Variants in RBFOX3 observed in about 807,000 individuals in gnomAD.
RBFOX3 encodes the protein RNA binding fox-1 homolog 3.
In RBFOX3, 17 loss-of-function variants were observed where a neutral mutation model predicts 48.7. The ratio of observed to expected loss-of-function variants is 0.35; its 90% CI spans 0.24 to 0.52. The LOEUF (loss-of-function observed/expected upper bound fraction) is 0.52, where lower values mean the gene tolerates loss of function less well. RBFOX3 is among the 20% of genes least tolerant of loss of function. The pLI is 0.94. For synonymous variants in RBFOX3, 212 were observed against 209.5 expected, an observed-to-expected ratio of 1.01 and a Z score of -0.10; for missense variants, 382 against 497.5, an observed-to-expected ratio of 0.77 and a Z score of 2.21.
At chr17:79,617,761 C>T in the RBFOX3 span, among the ~76,000 whole-genome samples, 2 of 152,236 alleles carry the variant, frequency 1.3e-5, no homozygotes, top group African/African-American at 2.4e-5. Flanking sequence ...CTGAAAGCAA[C>T]TTCAGAGGTC....
At chr17:79,226,994 C>T (rs577064002) in intron 4 of RBFOX3, among the ~76,000 whole-genome samples, 9 of 152,326 alleles carry the variant, frequency 5.9e-5, no homozygotes, top group South Asian at 2.1e-4. Context: ...CTCTGGCCTG[C>T]GCGGAGCATC....
At chr17:79,169,391 T>C (rs1308118065) in intron 4 of RBFOX3, among the ~76,000 whole-genome samples, 1 of 151,896 alleles carries the variant, frequency 6.6e-6, no homozygotes, top group East Asian at 1.9e-4. Flanking sequence ...CCTCTCCTCC[T>C]CCCCTGCTCC....
At chr17:79,290,938 A>C (rs769730695) in intron 3 of RBFOX3, among the ~76,000 whole-genome samples, 11 of 152,202 alleles carry the variant, frequency 7.2e-5, no homozygotes, top group Admixed American at 2.6e-4. Context: ...CAGCTGCAGC[A>C]GGCAGCTCAG....
intron 4 of RBFOX3, among the ~76,000 whole-genome samples, chr17:79,140,882 G>A (rs1332759499): frequency 6.6e-6 from 1 of 152,220 alleles, no homozygotes; most frequent in Non-Finnish European, 1.5e-5. Flanking sequence ...CAGATGCCAT[G>A]CTGAGGGCTG....
At chr17:79,278,596 G>A (rs1390240117) in intron 3 of RBFOX3, among the ~76,000 whole-genome samples, 2 of 152,238 alleles carry the variant, frequency 1.3e-5, no homozygotes, top group African/African-American at 4.8e-5. Flanking sequence ...CTGTGGTGCC[G>A]GCCGGGCCTG....
intron 2 of RBFOX3, among the ~76,000 whole-genome samples, chr17:79,383,793 C>G (rs1278575664): frequency 6.6e-6 from 1 of 152,182 alleles, no homozygotes; most frequent in African/African-American, 2.4e-5. Flanking sequence ...CCCCTCCATC[C>G]TGGCACACAA....
At chr17:79,538,570 C>T (rs1232189494) in intron 1 of RBFOX3, among the ~76,000 whole-genome samples, 7 of 152,214 alleles carry the variant, frequency 4.6e-5, no homozygotes, top group African/African-American at 1.4e-4. Context: ...ACAGTAAAGG[C>T]GGGTGGGCTT....
chr17:79,306,986 T>C (rs1482387929), intron 3 of RBFOX3, among the ~76,000 whole-genome samples: 1 of 152,236 alleles, frequency 6.6e-6, no homozygotes, highest in Non-Finnish European at 1.5e-5. Context: ...TGATATTTAT[T>C]AACCCACTTT....
chr17:79,565,341 C>CT (rs1270878476), intron 1 of RBFOX3, among the ~76,000 whole-genome samples: 4,849 of 138,112 alleles, frequency 0.035, 182 homozygotes, highest in African/African-American at 0.09. Context: ...TTTAGGACAT[C>CT]TTTTTTTTTT....
chr17:79,261,771 C>A (rs2065824449), intron 3 of RBFOX3, among the ~76,000 whole-genome samples: 1 of 152,310 alleles, frequency 6.6e-6, no homozygotes. Flanking sequence ...AGGATGAAGG[C>A]TGCACACCCC....
chr17:79,535,670 G>A lies in RBFOX3; in HGVS notation c.-319-53072C>T, dbSNP rs150653048. 1.1e-4 allele frequency among the ~76,000 whole-genome samples: 16 copies of A among 152,300 alleles called. No individual in the cohort carries two copies. In the East Asian group the frequency reaches 1.7e-3, roughly 17 times the overall value. ...GCCAGCCCACAAAGACACAGTATGC[G>A]CAGCCAGGCAAGGTTGCCTGTGTTG... On this transcript the variant is annotated intron_variant, in intron 1 of 14. Transcript: ENST00000693108. The surrounding 1 kb of genome is among the most constrained non-coding windows in gnomAD (Gnocchi z 4.5).
rs2146255373 is a variant in RBFOX3 at position 79,095,593 on chromosome 17, G to A, written c.937-19C>T. ...AGCCTCCCTGCAGGGTAAGTGGGAG[G>A]AGAGAGAGCAGAGGGACTTAGTGGG... On this transcript the variant is annotated intron_variant, in intron 12 of 14. Coordinates refer to ENST00000693108, the MANE Select transcript of RBFOX3 (RefSeq NM_001350451.2). 6.5e-7 allele frequency: 1 copy of A among 1,549,846 alleles called. No individual in the cohort carries two copies.
chr17:79,525,437 G>A (rs2086669094), intron 1 of RBFOX3, among the ~76,000 whole-genome samples: 1 of 152,198 alleles, frequency 6.6e-6, no homozygotes, highest in African/African-American at 2.4e-5. Flanking sequence ...AGTTACAGGT[G>A]AGTTTGCCAA....
chr17:79,558,541 CCACAGTCAGG>C (rs1413688549), intron 1 of RBFOX3, among the ~76,000 whole-genome samples: 210 of 152,196 alleles, frequency 1.4e-3, no homozygotes, highest in Middle Eastern at 3.4e-3. Context: ...GGAGGCAAGA[CCACAGTCAGG>C]ACCAGCCCTC....
chr17:79,491,582 G>A (rs1443937162), intron 1 of RBFOX3, among the ~76,000 whole-genome samples: 15 of 152,144 alleles, frequency 9.9e-5, no homozygotes, highest in Non-Finnish European at 1.8e-4. Flanking sequence ...TGAGGAAGAC[G>A]CAAGCCACCT....
chr17:79,451,834 G>A (rs568832712), intron 2 of RBFOX3, among the ~76,000 whole-genome samples: 6 of 152,360 alleles, frequency 3.9e-5, no homozygotes, highest in East Asian at 1.9e-4. Flanking sequence ...GTGTTCGTAC[G>A]TTAGGTGGGG....
At chr17:79,251,095 G>A (rs368681975) in intron 3 of RBFOX3, among the ~76,000 whole-genome samples, 2 of 151,956 alleles carry the variant, frequency 1.3e-5, no homozygotes, top group East Asian at 1.9e-4. Context: ...GAGCTGCCGC[G>A]CCCGGCCTAT....
At chr17:79,584,187 A>G (rs2093166123) in intron 1 of RBFOX3, among the ~76,000 whole-genome samples, 1 of 152,208 alleles carries the variant, frequency 6.6e-6, no homozygotes, top group South Asian at 2.1e-4. Flanking sequence ...CAAAACCACA[A>G]TGCAACACCA....
intron 9 of RBFOX3, 23 bp downstream of exon 9, chr17:79,101,561 T>C: frequency 6.5e-7 from 1 of 1,546,704 alleles, no homozygotes; most frequent in Non-Finnish European, 8.7e-7. Flanking sequence ...CCAGCAGCCT[T>C]GTGGGGGGAC....
Sources: allele counts gnomAD v4.1 joint callset (sites outside exome capture counted in the v4.1 genomes callset), GRCh38; gene constraint gnomAD v4.1.1; non-coding constraint Gnocchi (gnomAD v3.1); transcripts MANE v1.5; gene names NCBI Gene and HGNC (gene_info 2026-07-23, HGNC 2026-07-21).